The following RPL5 variants were observed in gnomAD, a reference collection of about 807,000 sequenced individuals.
RPL5 encodes the protein large ribosomal subunit protein uL18.
RPL5 carries 1 observed loss-of-function variant against 38.4 expected under a neutral mutation model. The observed-to-expected ratio is 0.03, with a 90% CI of 0.01 to 0.12. The LOEUF (loss-of-function observed/expected upper bound fraction) is 0.12, where lower values mean the gene tolerates loss of function less well. RPL5 is among the 10% of genes least tolerant of loss of function. The pLI, the probability that RPL5 is intolerant of heterozygous loss-of-function variation, is 1.00. For synonymous variants in RPL5, 109 were observed against 121.2 expected, an observed-to-expected ratio of 0.90 and a Z score of 0.66; for missense variants, 243 against 374.1, an observed-to-expected ratio of 0.65 and a Z score of 2.89.
intron 5 of RPL5, 93 bp from the exon 6 acceptor site, chr1:92,837,363 C>T (rs749211199): frequency 9.2e-7 from 1 of 1,088,534 alleles, no homozygotes; most frequent in Non-Finnish European, 1.4e-6. Flanking sequence ...ATAATTGTTT[C>T]AAGACGGGAC....
rs764719541 is a variant in RPL5 at position 92,837,413 on chromosome 1, A to G, written c.528-43A>G. Reference sequence around the variant, plus strand: ...AAAGTAAATTCTTACTAGTAAACTAAGTTAAGTGAGTCTATACTAAAATAT... The same window carrying G: ...AAAGTAAATTCTTACTAGTAAACTAGGTTAAGTGAGTCTATACTAAAATAT... On this transcript the variant is annotated intron_variant, in intron 5 of 7. Coordinates refer to ENST00000370321, the MANE Select transcript of RPL5 (RefSeq NM_000969.5). 24 of 1,538,958 alleles carry G rather than the reference A, an allele frequency of 1.6e-5. No individual in the cohort carries two copies. In the African/African-American group the frequency reaches 3.3e-4, roughly 21 times the overall value.
rs190725000 is a variant in RPL5 at position 92,833,840 on chromosome 1, C to T, written c.189+180C>T. On this transcript the variant is annotated intron_variant, in intron 3 of 7. Transcript: ENST00000370321. ...TGGGAACTTGGTACTTTAAAAAATGCTCTTGGTTGCGCTCATGCCTGTAAT... is the reference window on the plus strand; with the variant it reads ...TGGGAACTTGGTACTTTAAAAAATGTTCTTGGTTGCGCTCATGCCTGTAAT... 3.8e-5 allele frequency: 23 copies of T among 608,418 alleles called. No individual in the cohort carries two copies. The Admixed American group carries it at 6.1e-4, about 16-fold the overall frequency. 37.7% of individuals were successfully genotyped at this position (608,418 alleles called of 1,614,324 possible).
intron 1 of RPL5, among the ~76,000 whole-genome samples, chr1:92,832,484 A>T (rs1686948979): frequency 6.6e-6 from 1 of 151,994 alleles, no homozygotes; most frequent in South Asian, 2.1e-4. Flanking sequence ...GCCAGAATGG[A>T]GGGGGGCTGC....
At chr1:92,840,693 A>G in intron 7 of RPL5, 54 bp downstream of exon 7, 1 of 1,280,706 alleles carries the variant, frequency 7.8e-7, no homozygotes, top group Non-Finnish European at 1.1e-6. Flanking sequence ...AATGGTTCCC[A>G]CGTGGGGCAG....
At chr1:92,840,467 G>A in intron 6 of RPL5, 84 bp from the exon 7 acceptor site, 1 of 999,562 alleles carries the variant, frequency 1.0e-6, no homozygotes, top group Non-Finnish European at 1.6e-6. Flanking sequence ...ATCTGGCTTA[G>A]AAGGACAAGA....
intron 7 of RPL5, among the ~76,000 whole-genome samples, chr1:92,841,044 C>G (rs1345085244): frequency 2.6e-5 from 4 of 152,192 alleles, no homozygotes; most frequent in African/African-American, 9.7e-5. Flanking sequence ...ATACTTAACA[C>G]TTTGTGGCAA....
chr1:92,833,004 CAA>C, intron 1 of RPL5: 1 of 739,306 alleles, frequency 1.4e-6, no homozygotes, highest in East Asian at 2.5e-5. Flanking sequence ...CAGTGCTTCG[CAA>C]AAGTTTGGCA....
chr1:92,833,981 A>C, intron 3 of RPL5: 1 of 349,450 alleles, frequency 2.9e-6, no homozygotes, highest in South Asian at 2.4e-5. Flanking sequence ...GGCGGGGCGC[A>C]CCTGTAGTCC....
rs774416689 is a variant in RPL5, at chr1:92,833,417, C to A, written c.32C>A (p.Ala11Asp). ...TTTGTTAAAGTTGTTAAGAATAAGG[C>A]CTACTTTAAGAGATACCAAGTGAAA... MGFVKVVKNK[A>D]YFKRYQVKFR... The change falls in exon 2 of 8, where the codon GCC becomes GAC. Residue 11 changes from alanine (A) to aspartate (D), a missense_variant. Ala to Asp is a moderately radical substitution (Grantham distance 126, BLOSUM62 -2). Coordinates refer to ENST00000370321, the MANE Select transcript of RPL5 (RefSeq NM_000969.5). 4 of 1,613,766 alleles carry A rather than the reference C, an allele frequency of 2.5e-6. No homozygotes were observed. Among genetic ancestry groups the A allele is most frequent in the Non-Finnish European group, 3.4e-6 (4 of 1,179,738 alleles).
At chr1:92,832,709 T>C (rs1400691564) in intron 1 of RPL5, 2 of 404,152 alleles carry the variant, frequency 4.9e-6, no homozygotes, top group African/African-American at 4.1e-5. Flanking sequence ...TGCCTCTTCC[T>C]CTAGAGTCCG....
chr1:92,840,008 ATT>A (rs111307161), intron 6 of RPL5, among the ~76,000 whole-genome samples: 30 of 138,244 alleles, frequency 2.2e-4, no homozygotes, highest in Admixed American at 3.6e-4. Flanking sequence ...TGCCCTGCTA[ATT>A]TTTTTTTTTT....
chr1:92,840,612 A>C lies in RPL5; in HGVS notation c.767A>C (p.Lys256Thr). The C allele has an allele frequency of 6.2e-7, 1 of 1,611,368 alleles. No homozygotes were observed. Among genetic ancestry groups the C allele is most frequent in the South Asian group, 1.1e-5 (1 of 91,062 alleles). The part of the protein sequence containing the change: ...AIRENPVYEK[K>T]PKKEVKKKRW... ...CGAGAGAATCCAGTCTATGAAAAGA[A>C]GCCCAAGAAAGAAGTTAAAAAGAAG... The change falls in exon 7 of 8, where the codon AAG (lysine) becomes ACG (threonine). Residue 256 changes from lysine to threonine, a missense_variant. Transcript: ENST00000370321.
At position 92,833,293 on chromosome 1, in the gene RPL5, T is replaced by C. The variant is rs1013654956; in HGVS notation, c.4-96T>C. The C allele has an allele frequency of 4.0e-6, 4 of 1,008,704 alleles. No individual in the cohort carries two copies. In the African/African-American group the frequency reaches 6.4e-5, roughly 16 times the overall value. 62.5% of individuals were successfully genotyped at this position (1,008,704 alleles called of 1,614,324 possible). On this transcript the variant is annotated intron_variant, in intron 1 of 7. Coordinates refer to ENST00000370321, the MANE Select transcript of RPL5 (RefSeq NM_000969.5). ...CAAGTGACAGTTGTCTGTTTACTCT[T>C]GAAGTTCAAGTGTTACTTTGTTACA...
chr1:92,835,775 GT>G (rs1268691764), intron 4 of RPL5, among the ~76,000 whole-genome samples: 1 of 151,592 alleles, frequency 6.6e-6, no homozygotes, highest in South Asian at 2.1e-4. Flanking sequence ...ATTTTGCCTT[GT>G]TTTTATTATC....
intron 6 of RPL5, among the ~76,000 whole-genome samples, chr1:92,839,099 C>T (rs1219283025): frequency 6.6e-6 from 1 of 150,704 alleles, no homozygotes; most frequent in African/African-American, 2.4e-5. Context: ...GTGGCTCACG[C>T]CTGTAATCCC....
At chr1:92,837,921 C>A (rs143761019) in intron 6 of RPL5, 2 of 417,858 alleles carry the variant, frequency 4.8e-6, no homozygotes, top group East Asian at 1.0e-4. Flanking sequence ...TAATAAACTT[C>A]ACTTATTTTG....
Position 92,836,526 on chromosome 1 carries a change from A to G in RPL5, c.527+134A>G, listed in dbSNP as rs1306839103. ...GCTGTATGCCTAGGTACCATGCAGG[A>G]GGAACCTAGTAGGGCAGGAAGGAAT... On this transcript the variant is annotated intron_variant, in intron 5 of 7. Coordinates refer to ENST00000370321, the MANE Select transcript of RPL5 (RefSeq NM_000969.5). 6 of 788,518 alleles carry G rather than the reference A, an allele frequency of 7.6e-6. No individual in the cohort carries two copies. In the East Asian group the frequency reaches 1.6e-4, roughly 21 times the overall value. 48.8% of individuals were successfully genotyped at this position (788,518 alleles called of 1,614,324 possible).
At chr1:92,832,175 C>G in intron 1 of RPL5, 58 bp downstream of exon 1, 1 of 1,609,730 alleles carries the variant, frequency 6.2e-7, no homozygotes, top group South Asian at 1.1e-5. Flanking sequence ...TTTTCTTGCC[C>G]GTATGCCAGC....
chr1:92,835,681 G>C (rs1490644223), intron 4 of RPL5, among the ~76,000 whole-genome samples: 3 of 131,990 alleles, frequency 2.3e-5, no homozygotes, highest in African/African-American at 8.4e-5. Context: ...AAAAAAAAAT[G>C]AGAATCTTAG....
Sources: gnomAD v4.1 joint callset for allele counts (sites outside exome capture counted in the v4.1 genomes callset) on GRCh38, gnomAD v4.1.1 for gene constraint, MANE v1.5 for transcripts, NCBI Gene and HGNC (gene_info 2026-07-23, HGNC 2026-07-21) for gene names.